The following NPNT variants were observed in gnomAD, a reference collection of about 807,000 sequenced individuals.
The protein encoded by NPNT is nephronectin.
Under a neutral mutation model 68.6 loss-of-function variants are expected in NPNT, and 45 were observed. That is an observed-to-expected ratio of 0.66 (90% CI 0.52 to 0.84). The LOEUF (loss-of-function observed/expected upper bound fraction) is 0.84. NPNT is among the 40% of genes least tolerant of loss of function. The pLI is 0.00. For synonymous variants in NPNT, 233 were observed against 253.3 expected, an observed-to-expected ratio of 0.92 and a Z score of 0.76; for missense variants, 672 against 714.8, an observed-to-expected ratio of 0.94 and a Z score of 0.68.
chr4:105,910,565 G>A (rs1335048593), intron 2 of NPNT, among the ~76,000 whole-genome samples: 1 of 151,970 alleles, frequency 6.6e-6, no homozygotes, highest in Non-Finnish European at 1.5e-5. Flanking sequence ...TTGTTGTGAT[G>A]GTTGCATATA....
chr4:105,968,466 C>A (rs1035255782), intron 11 of NPNT, among the ~76,000 whole-genome samples: 2 of 152,192 alleles, frequency 1.3e-5, no homozygotes, highest in African/African-American at 4.8e-5. Flanking sequence ...ATTCCATTTT[C>A]AGCAAGAAAG....
intron 10 of NPNT, among the ~76,000 whole-genome samples, chr4:105,966,309 C>T (rs1351231080): frequency 6.6e-6 from 1 of 152,150 alleles, no homozygotes; most frequent in Non-Finnish European, 1.5e-5. Context: ...AGCAGCACCC[C>T]CCACTTCACT....
At chr4:105,934,872 C>G (rs781195922) in intron 3 of NPNT, among the ~76,000 whole-genome samples, 1 of 152,050 alleles carries the variant, frequency 6.6e-6, no homozygotes, top group Non-Finnish European at 1.5e-5. Flanking sequence ...AAATTTCGGT[C>G]GAAGCCATTC....
At chr4:105,941,618 T>C (rs1056679647) in intron 7 of NPNT, among the ~76,000 whole-genome samples, 3 of 152,190 alleles carry the variant, frequency 2.0e-5, no homozygotes, top group Non-Finnish European at 4.4e-5. Context: ...CAGTCTGGAA[T>C]GTATCATTCA....
intron 3 of NPNT, among the ~76,000 whole-genome samples, chr4:105,936,056 C>T (rs1459369812): frequency 3.3e-5 from 5 of 152,118 alleles, no homozygotes; most frequent in Non-Finnish European, 7.4e-5. Context: ...TTGGGCATTA[C>T]TATTTCAATG....
chr4:105,969,047 C>A lies in NPNT; in HGVS notation c.*57C>A. On this transcript the variant is annotated 3_prime_UTR_variant, in exon 12 of 12. Transcript: ENST00000379987. ...TGCTCTATCCTCTTTTTCCAATTCTCATCTTCTCTCCTCTTCTCCCTTTTA... is the reference window on the plus strand; with the variant it reads ...TGCTCTATCCTCTTTTTCCAATTCTAATCTTCTCTCCTCTTCTCCCTTTTA... 9.1e-7 allele frequency: 1 copy of A among 1,102,132 alleles called. No homozygotes were observed. Among genetic ancestry groups the A allele is most frequent in the Non-Finnish European group, 1.4e-6 (1 of 731,280 alleles). The allele number at this position is 1,102,132 out of a possible 1,614,324, so 68.3% of individuals were successfully genotyped here. A position where few individuals can be genotyped will look rare whatever the true frequency, so the allele number is the denominator to read the frequency against.
chr4:105,945,014 C>T (rs188882586), intron 8 of NPNT, among the ~76,000 whole-genome samples: 20 of 152,172 alleles, frequency 1.3e-4, no homozygotes, highest in African/African-American at 2.4e-4. Context: ...CCTTATTCTC[C>T]GAGACAGGTC....
intron 2 of NPNT, among the ~76,000 whole-genome samples, chr4:105,900,162 C>CT (rs1319115094): frequency 6.6e-6 from 1 of 152,176 alleles, no homozygotes. Flanking sequence ...TCATGTAGTT[C>CT]TTTCCCATAA....
chr4:105,941,672 A>G (rs1371857354), intron 7 of NPNT, among the ~76,000 whole-genome samples: 1 of 152,214 alleles, frequency 6.6e-6, no homozygotes, highest in Non-Finnish European at 1.5e-5. Context: ...TTATCAAGGA[A>G]AAAGATTTCA....
intron 2 of NPNT, among the ~76,000 whole-genome samples, chr4:105,903,525 T>A (rs1237765104): frequency 1.3e-5 from 2 of 152,236 alleles, no homozygotes; most frequent in Non-Finnish European, 2.9e-5. Context: ...TTTCCACCAA[T>A]CTTTGGAAAA....
At chr4:105,939,089 T>C (rs1729720831) in intron 5 of NPNT, among the ~76,000 whole-genome samples, 1 of 152,210 alleles carries the variant, frequency 6.6e-6, no homozygotes, top group Non-Finnish European at 1.5e-5. Flanking sequence ...CTCCAGACAC[T>C]GTGCTGAGTG....
chr4:105,911,032 G>C (rs1194389394), intron 2 of NPNT, among the ~76,000 whole-genome samples: 1 of 151,876 alleles, frequency 6.6e-6, no homozygotes, highest in African/African-American at 2.4e-5. Context: ...TATTTTTTCT[G>C]TCTCATATAT....
Position 105,941,921 on chromosome 4 carries a change from T to C in NPNT, c.764-386T>C, listed in dbSNP as rs191521971. ...AACGTAGATTCTAACTATGCATTTC[T>C]TATATTAAAAAAACTTAGAATGTCT... On this transcript the variant is annotated intron_variant, in intron 7 of 11. Transcript: ENST00000379987. 2.2e-3 allele frequency among the ~76,000 whole-genome samples: 335 copies of C among 152,000 alleles called. 1 individual carries two copies. The highest frequency in any genetic ancestry group is 7.8e-3 in the African/African-American group (324 of 41,300).
At chr4:105,912,658 A>G (rs1479564133) in intron 2 of NPNT, 7 of 627,514 alleles carry the variant, frequency 1.1e-5, no homozygotes, top group Non-Finnish European at 1.4e-5. Context: ...TCAGGTAAGA[A>G]ATATTTTTAT....
chr4:105,929,679 G>A (rs1019181528), intron 3 of NPNT: 1 of 151,750 alleles, frequency 6.6e-6, no homozygotes, highest in African/African-American at 2.4e-5. Flanking sequence ...TAATATATCA[G>A]CACGGTAAAA....
In NPNT at chr4:105,955,192, A is replaced by G. The variant is rs147571215; in HGVS notation, c.1160-3279A>G. Among the ~76,000 whole-genome samples the G allele has an allele frequency of 1.2e-3, 185 of 152,280 alleles. 2 individuals are homozygous for G. In the East Asian group the frequency reaches 0.03, roughly 24 times the overall value. On this transcript the variant is annotated intron_variant, in intron 8 of 11. Transcript: ENST00000379987. The stretch of plus-strand genomic sequence containing the variant: ...GCATTTGTTTTTATGAAATATATAT[A>G]TTGTGTATTTAAGTTGAATATTAGC...
chr4:105,937,995 A>T lies in NPNT; in HGVS notation c.386-306A>T, dbSNP rs868170122. Among the ~76,000 whole-genome samples, 10 of 152,328 alleles carry T rather than the reference A, an allele frequency of 6.6e-5. 1 individual carries two copies. In the South Asian group the frequency reaches 2.1e-3, roughly 32 times the overall value. ...GAGAAATTTCATGGGCATTTGAGAC[A>T]GTTACTTGGATGATTAGTTAAGAAT... On this transcript the variant is annotated intron_variant, in intron 4 of 11. Transcript: ENST00000379987.
chr4:105,931,547 G>A (rs112108050), intron 3 of NPNT, among the ~76,000 whole-genome samples: 1 of 151,904 alleles, frequency 6.6e-6, no homozygotes, highest in Non-Finnish European at 1.5e-5. Context: ...GGTTCCAGCC[G>A]GGCGCCGTGG....
chr4:105,912,066 A>G (rs560313086), intron 2 of NPNT: 329 of 686,230 alleles, frequency 4.8e-4, no homozygotes, highest in Admixed American at 1.1e-3. Context: ...TTGTTTCAGA[A>G]AAGCACTGAA....
Sources: allele counts gnomAD v4.1 joint callset (sites outside exome capture counted in the v4.1 genomes callset), GRCh38; gene constraint gnomAD v4.1.1; transcripts MANE v1.5; gene names NCBI Gene and HGNC (gene_info 2026-07-23, HGNC 2026-07-21).